ZNF736: variants seen among roughly 807,000 people sequenced by gnomAD.
The protein encoded by ZNF736 is zinc finger protein 736, also known as KRAB-containing zinc-finger repressor protein.
Under a neutral mutation model 11.7 loss-of-function variants are expected in ZNF736, and 6 were observed. The observed-to-expected ratio is 0.51, with a 90% confidence interval of 0.28 to 1.01. The LOEUF (loss-of-function observed/expected upper bound fraction) is 1.01. Ranked by LOEUF, ZNF736 falls within the 50% of genes least tolerant of loss-of-function variation. ZNF736 has a pLI of 0.09. For synonymous variants in ZNF736, 139 were observed against 164.7 expected (o/e 0.84, Z 1.19); for missense variants, 444 against 496.0 (o/e 0.90, Z 1.00).
chr7:64,329,943 C>T (rs544496454), intron 1 of ZNF736, among the ~76,000 whole-genome samples: 2 of 152,256 alleles, frequency 1.3e-5, no homozygotes, highest in Non-Finnish European at 2.9e-5. Flanking sequence ...TCTGTTGTGG[C>T]TTAGCTGGCA....
intron 3 of ZNF736, among the ~76,000 whole-genome samples, chr7:64,341,561 C>T (rs993586361): frequency 2.0e-5 from 3 of 152,124 alleles, no homozygotes; most frequent in Admixed American, 6.6e-5. Context: ...ATGACTGTGG[C>T]ATGGCAGTTC....
At position 64,353,216 on chromosome 7, in the gene ZNF736, C is replaced by G. The variant is rs563363044; in HGVS notation, c.*4069C>G. 4 of 152,316 alleles carry G rather than the reference C, an allele frequency of 2.6e-5. No individual in the cohort carries two copies. Among genetic ancestry groups the G allele is most frequent in the African/African-American group, 9.6e-5 (4 of 41,560 alleles). 9.4% of individuals were successfully genotyped at this position (152,316 alleles called of 1,614,324 possible). On this transcript the variant is annotated 3_prime_UTR_variant, in exon 4 of 4. Coordinates refer to ENST00000423484, the MANE Select transcript of ZNF736 (RefSeq NM_001170905.3). ...TCATGGGTTTCTAGGGTCACACATGCACTCACTGCTTTACTGGGTGGGGAG... is the reference window on the plus strand; with the variant it reads ...TCATGGGTTTCTAGGGTCACACATGGACTCACTGCTTTACTGGGTGGGGAG...
intron 1 of ZNF736, among the ~76,000 whole-genome samples, chr7:64,315,929 C>G (rs376721696): frequency 7.6e-4 from 116 of 152,144 alleles, no homozygotes; most frequent in African/African-American, 2.7e-3. Context: ...ATATATTAGT[C>G]TGTTTGTGCA....
chr7:64,329,481 T>C (rs146261517), intron 1 of ZNF736, among the ~76,000 whole-genome samples: 5,188 of 151,748 alleles, frequency 0.034, 100 homozygotes, highest in Middle Eastern at 0.054. Flanking sequence ...GGCACCCCAA[T>C]TTGAATAACA....
intron 1 of ZNF736, among the ~76,000 whole-genome samples, chr7:64,328,528 AGGT>A (rs1477502605): frequency 6.6e-6 from 1 of 152,074 alleles, no homozygotes; most frequent in Non-Finnish European, 1.5e-5. Context: ...TGGGAGTCTG[AGGT>A]GGGCGGATCA....
intron 3 of ZNF736, among the ~76,000 whole-genome samples, chr7:64,347,217 C>CTTTTTTTT (rs35033527): frequency 1.1e-4 from 6 of 55,872 alleles, no homozygotes; most frequent in Admixed American, 2.6e-4. Flanking sequence ...AAATGTTCGC[C>CTTTTTTTT]TTTTTTTTTT....
intron 1 of ZNF736, among the ~76,000 whole-genome samples, chr7:64,324,029 C>A (rs1480945619): frequency 6.6e-6 from 1 of 152,168 alleles, no homozygotes; most frequent in East Asian, 1.9e-4. Flanking sequence ...TTATTACTTA[C>A]ATATTATAAA....
intron 1 of ZNF736, among the ~76,000 whole-genome samples, chr7:64,331,018 G>C (rs964549618): frequency 1.3e-5 from 2 of 152,164 alleles, no homozygotes; most frequent in Non-Finnish European, 2.9e-5. Flanking sequence ...CCTGTGCCTA[G>C]GGTAAGGGTA....
chr7:64,327,454 G>A (rs1305364681), intron 1 of ZNF736, among the ~76,000 whole-genome samples: 3 of 151,964 alleles, frequency 2.0e-5, no homozygotes, highest in African/African-American at 7.2e-5. Flanking sequence ...TCGGGTCTTG[G>A]GTTTTTTGTT....
intron 1 of ZNF736, among the ~76,000 whole-genome samples, chr7:64,319,487 C>A (rs1788971309): frequency 1.9e-5 from 1 of 53,608 alleles, no homozygotes; most frequent in Non-Finnish European, 3.3e-5. Flanking sequence ...AACATTTCTT[C>A]CCTTTTTTTT....
At chr7:64,331,279 T>A (rs1413128089) in intron 1 of ZNF736, among the ~76,000 whole-genome samples, 1 of 152,168 alleles carries the variant, frequency 6.6e-6, no homozygotes, top group Non-Finnish European at 1.5e-5. Context: ...GTCTGAGTGC[T>A]CCCTCTGTAG....
At chr7:64,321,283 G>C (rs1352822377) in intron 1 of ZNF736, among the ~76,000 whole-genome samples, 1 of 152,176 alleles carries the variant, frequency 6.6e-6, no homozygotes, top group African/African-American at 2.4e-5. Context: ...TAGTTGCCTA[G>C]AGCACCCAAA....
rs1296019853 is a variant in ZNF736, at chr7:64,349,434, G to C, written c.*287G>C. On this transcript the variant is annotated 3_prime_UTR_variant, in exon 4 of 4. Transcript: ENST00000423484. ...TTTCCTGTTTTCTATTTGCTTGGTA[G>C]GCTTTTCTTTTTCCCTTTATTTTGA... The C allele has an allele frequency of 1.1e-5, 3 of 265,986 alleles. No individual in the cohort carries two copies. The highest frequency in any genetic ancestry group is 2.1e-5 in the Non-Finnish European group (3 of 141,850). The allele number at this position is 265,986 out of a possible 1,614,324, so 16.5% of individuals were successfully genotyped here.
chr7:64,327,590 C>T (rs1336131001), intron 1 of ZNF736, among the ~76,000 whole-genome samples: 1 of 152,056 alleles, frequency 6.6e-6, no homozygotes, highest in Non-Finnish European at 1.5e-5. Flanking sequence ...TGCTTTCTTG[C>T]TGTTTTGTGG....
At chr7:64,314,313 G>C (rs1252770772) in intron 1 of ZNF736, among the ~76,000 whole-genome samples, 160 bp downstream of exon 1, 1 of 152,188 alleles carries the variant, frequency 6.6e-6, no homozygotes, top group Non-Finnish European at 1.5e-5. Flanking sequence ...CTCCATCGCA[G>C]ATTAGGGGCT....
chr7:64,342,965 C>T (rs2115952708), intron 3 of ZNF736, among the ~76,000 whole-genome samples: 1 of 152,088 alleles, frequency 6.6e-6, no homozygotes, highest in African/African-American at 2.4e-5. Context: ...CTTGCCTTTA[C>T]ATTTTGTGCA....
At chr7:64,315,036 T>C (rs1788892572) in intron 1 of ZNF736, among the ~76,000 whole-genome samples, 1 of 152,182 alleles carries the variant, frequency 6.6e-6, no homozygotes, top group Non-Finnish European at 1.5e-5. Context: ...GTCCTCTCAA[T>C]AGTGAGTGAG....
chr7:64,316,129 G>T (rs767827981), intron 1 of ZNF736, among the ~76,000 whole-genome samples: 1 of 152,154 alleles, frequency 6.6e-6, no homozygotes, highest in Non-Finnish European at 1.5e-5. Context: ...ATACCCACAA[G>T]GACCATATCT....
rs376335657 is a variant in ZNF736, at chr7:64,349,081, G to A, written c.1218G>A (p.Ser406=). 165 of 1,600,494 alleles carry A rather than the reference G, an allele frequency of 1.0e-4. 1 individual carries two copies. The highest frequency in any genetic ancestry group is 9.0e-5 in the Non-Finnish European group (106 of 1,172,992). ...AATGTGAAGAATGTGGCAAAGCATC[G>A]AGCTGGTTCTCACACCTCATCAGAC... ...PYKCEECGKA[S]SWFSHLIRHK... Residue 406 remains serine (S), a synonymous_variant, in exon 4 of 4, where the codon TCG becomes TCA. Coordinates refer to ENST00000423484, the MANE Select transcript of ZNF736 (RefSeq NM_001170905.3).
Sources: allele counts gnomAD v4.1 joint callset (sites outside exome capture counted in the v4.1 genomes callset), GRCh38; gene constraint gnomAD v4.1.1; transcripts MANE v1.5; gene names NCBI Gene and HGNC (gene_info 2026-07-23, HGNC 2026-07-21).